Variants in SMIM10L3 observed in about 807,000 individuals in gnomAD.
The protein encoded by SMIM10L3 is small integral membrane protein 10 like 3.
the SMIM10L3 span, among the ~76,000 whole-genome samples, chr7:6,335,648 C>G: frequency 1.3e-5 from 2 of 152,128 alleles, no homozygotes; most frequent in Admixed American, 6.6e-5. Context: ...GCAAAATATA[C>G]ACTTTATGAA....
chr7:6,343,724 T>G, the SMIM10L3 span, among the ~76,000 whole-genome samples: 1 of 152,162 alleles, frequency 6.6e-6, no homozygotes, highest in Admixed American at 6.6e-5. Flanking sequence ...ATTTTCTCAT[T>G]TAATCATCTT....
At chr7:6,329,491 G>C in the SMIM10L3 span, 1 of 152,652 alleles carries the variant, frequency 6.6e-6, no homozygotes, top group African/African-American at 2.4e-5. Flanking sequence ...ACATGGCATA[G>C]TAATTCAGCA....
chr7:6,336,658 T>C, the SMIM10L3 span, among the ~76,000 whole-genome samples: 1 of 148,874 alleles, frequency 6.7e-6, no homozygotes, highest in East Asian at 2.0e-4. Flanking sequence ...TACTCCAGCC[T>C]GAGAGAGCGA....
chr7:6,341,612 C>A, the SMIM10L3 span, among the ~76,000 whole-genome samples: 2 of 145,758 alleles, frequency 1.4e-5, no homozygotes, highest in African/African-American at 5.1e-5. Flanking sequence ...ATGGCGTGAA[C>A]CCAGGAGGTG....
the SMIM10L3 span, among the ~76,000 whole-genome samples, chr7:6,347,517 GA>G: frequency 0.15 from 21,829 of 145,352 alleles, 1,751 homozygotes; most frequent in East Asian, 0.31. Context: ...CTGTCTCAGG[GA>G]AAAAAAAAAA....
the SMIM10L3 span, among the ~76,000 whole-genome samples, chr7:6,334,111 G>A: frequency 6.6e-6 from 1 of 151,460 alleles, no homozygotes; most frequent in Non-Finnish European, 1.5e-5. Context: ...CTCCCAAAGT[G>A]CTGGGATTAC....
the SMIM10L3 span, among the ~76,000 whole-genome samples, chr7:6,332,652 C>T: frequency 0.011 from 1,598 of 152,078 alleles, 24 homozygotes; most frequent in African/African-American, 0.034. Flanking sequence ...GAGCTGAGAT[C>T]GAGTCACTCT....
chr7:6,347,901 A>ATTC, the SMIM10L3 span, among the ~76,000 whole-genome samples: 2 of 145,524 alleles, frequency 1.4e-5, no homozygotes, highest in Non-Finnish European at 3.0e-5. Flanking sequence ...TATTATTATT[A>ATTC]TTATTATTAT....
chr7:6,338,670 C>G, the SMIM10L3 span: 1 of 152,288 alleles, frequency 6.6e-6, no homozygotes, highest in Admixed American at 6.5e-5. Flanking sequence ...AGATCCCTGC[C>G]CAGCTGACCT....
chr7:6,334,841 T>G, the SMIM10L3 span, among the ~76,000 whole-genome samples: 70 of 151,288 alleles, frequency 4.6e-4, no homozygotes, highest in Non-Finnish European at 2.7e-4. Context: ...CGATCTCGAC[T>G]CACTGCAACC....
chr7:6,337,855 G>C, the SMIM10L3 span, among the ~76,000 whole-genome samples: 1 of 151,428 alleles, frequency 6.6e-6, no homozygotes, highest in Admixed American at 6.6e-5. Flanking sequence ...CCAGGCTGGA[G>C]TGCAGTGGTG....
chr7:6,348,445 C>G, the SMIM10L3 span: 2 of 397,144 alleles, frequency 5.0e-6, no homozygotes, highest in Non-Finnish European at 8.9e-6. Flanking sequence ...TAGGGTCGCA[C>G]GGGAAAATGC....
At chr7:6,330,836 A>G in the SMIM10L3 span, 1 of 1,614,052 alleles carries the variant, frequency 6.2e-7, no homozygotes, top group African/African-American at 1.3e-5. Flanking sequence ...GGAGCAGGGA[A>G]CAAACCCACG....
At chr7:6,330,200 T>G in the SMIM10L3 span, 1 of 652,886 alleles carries the variant, frequency 1.5e-6, no homozygotes, top group Non-Finnish European at 2.6e-6. Context: ...CCAAAAAAGT[T>G]CCTTCCGCAT....
At chr7:6,348,080 C>T in the SMIM10L3 span, among the ~76,000 whole-genome samples, 3 of 151,088 alleles carry the variant, frequency 2.0e-5, no homozygotes, top group Non-Finnish European at 2.9e-5. Flanking sequence ...CCGGCTAATT[C>T]TGTATTTTTA....
chr7:6,343,504 G>A, the SMIM10L3 span, among the ~76,000 whole-genome samples: 1 of 144,684 alleles, frequency 6.9e-6, no homozygotes, highest in Non-Finnish European at 1.5e-5. Flanking sequence ...AAAAGTTGTA[G>A]GCATGACTTG....
At chr7:6,335,900 C>T in the SMIM10L3 span, among the ~76,000 whole-genome samples, 1 of 151,804 alleles carries the variant, frequency 6.6e-6, no homozygotes, top group Non-Finnish European at 1.5e-5. Flanking sequence ...TGGCCGGGAG[C>T]AGTGGCTCAC....
the SMIM10L3 span, among the ~76,000 whole-genome samples, chr7:6,347,283 G>A: frequency 6.6e-6 from 1 of 152,188 alleles, no homozygotes; most frequent in Non-Finnish European, 1.5e-5. Context: ...GGGAGGTCGA[G>A]GCGGGCAGAT....
chr7:6,331,101 G>A, the SMIM10L3 span: 52 of 1,613,268 alleles, frequency 3.2e-5, no homozygotes, highest in East Asian at 6.9e-4. Flanking sequence ...CACCTCCTCC[G>A]GCCTGCTGCA....
Sources: gnomAD v4.1 joint callset for allele counts (sites outside exome capture counted in the v4.1 genomes callset) on GRCh38, gnomAD v4.1.1 for gene constraint, MANE v1.5 for transcripts, NCBI Gene and HGNC (gene_info 2026-07-23, HGNC 2026-07-21) for gene names.